Variants in ELF2 observed in about 807,000 individuals in gnomAD.
The protein encoded by ELF2 is E74 like ETS transcription factor 2, also known as ETS-related transcription factor Elf-2.
A neutral mutation model predicts 54.8 loss-of-function variants in ELF2; 11 were observed. The ratio of observed to expected loss-of-function variants is 0.20; its 90% CI spans 0.13 to 0.33. The LOEUF (loss-of-function observed/expected upper bound fraction) is 0.33. Ranked by LOEUF, ELF2 falls within the 10% of genes least tolerant of loss-of-function variation. The pLI is 1.00. For synonymous variants in ELF2, 203 were observed against 245.1 expected (o/e 0.83, Z 1.61); for missense variants, 513 against 703.0 (o/e 0.73, Z 3.06).
intron 1 of ELF2, among the ~76,000 whole-genome samples, chr4:139,172,882 C>CGGGGGGG (rs59019279): frequency 2.0e-5 from 1 of 51,162 alleles, no homozygotes. Context: ...ACACAGATAA[C>CGGGGGGG]GGGGGGGGGG....
chr4:139,063,191 G>C (rs1294892300), intron 7 of ELF2, among the ~76,000 whole-genome samples: 1 of 152,178 alleles, frequency 6.6e-6, no homozygotes, highest in African/African-American at 2.4e-5. Flanking sequence ...CCAGGAAGCA[G>C]AGGTTACAGT....
At chr4:139,115,448 TG>T (rs1735592184) in intron 4 of ELF2, 33 of 973,624 alleles carry the variant, frequency 3.4e-5, no homozygotes, top group Non-Finnish European at 4.0e-5. Flanking sequence ...CCCGGCTGGC[TG>T]GGGTTAGCTC....
At chr4:139,176,645 A>ATC (rs1742970403) in intron 1 of ELF2, among the ~76,000 whole-genome samples, 1 of 151,862 alleles carries the variant, frequency 6.6e-6, no homozygotes, top group Admixed American at 6.5e-5. Flanking sequence ...CGCTCGGCCC[A>ATC]TCCCCCCCGC....
intron 4 of ELF2, chr4:139,101,576 GGA>G (rs1733878967): frequency 6.6e-6 from 1 of 152,154 alleles, no homozygotes; most frequent in South Asian, 2.1e-4. Flanking sequence ...TAATTATTAT[GGA>G]GAAACAGAGG....
At chr4:139,127,320 CT>C (rs1737024463) in intron 3 of ELF2, among the ~76,000 whole-genome samples, 1 of 152,206 alleles carries the variant, frequency 6.6e-6, no homozygotes, top group Non-Finnish European at 1.5e-5. Context: ...TACTGTAGCA[CT>C]GCCAGATACC....
At chr4:139,091,892 CATATTATTTATATATAGAGAATAT>C (rs1347769773) in intron 4 of ELF2, among the ~76,000 whole-genome samples, 1 of 150,308 alleles carries the variant, frequency 6.7e-6, no homozygotes, top group Non-Finnish European at 1.5e-5. Context: ...ATAGAATATA[CATATTATTTATATATAGAGAATAT>C]ATATACACAC....
At chr4:139,063,117 G>A (rs181184491) in intron 7 of ELF2, among the ~76,000 whole-genome samples, 3 of 152,204 alleles carry the variant, frequency 2.0e-5, no homozygotes, top group Admixed American at 6.5e-5. Flanking sequence ...ATTTAGCTGC[G>A]CATGGTGGCG....
At chr4:139,139,377 A>G in intron 2 of ELF2, 36 bp downstream of exon 2, 1 of 1,069,812 alleles carries the variant, frequency 9.3e-7, no homozygotes, top group East Asian at 3.3e-5. Flanking sequence ...ACTATTCCCA[A>G]TATATATAAT....
At chr4:139,086,865 A>G (rs1300943376) in intron 4 of ELF2, among the ~76,000 whole-genome samples, 1 of 152,198 alleles carries the variant, frequency 6.6e-6, no homozygotes, top group Non-Finnish European at 1.5e-5. Context: ...ATAAATTTTT[A>G]ATAGGGGTTC....
chr4:139,095,787 G>C (rs1733200449), intron 4 of ELF2, among the ~76,000 whole-genome samples: 1 of 152,078 alleles, frequency 6.6e-6, no homozygotes, highest in East Asian at 1.9e-4. Flanking sequence ...GCTCATGCCT[G>C]TAATCCCAGC....
At chr4:139,167,129 T>C (rs558616126) in intron 1 of ELF2, among the ~76,000 whole-genome samples, 2 of 152,364 alleles carry the variant, frequency 1.3e-5, no homozygotes, top group African/African-American at 4.8e-5. Flanking sequence ...TGAGTATTCT[T>C]ATTTTTATGA....
upstream of ELF2, among the ~76,000 whole-genome samples, chr4:139,177,586 G>C (rs1008644204): frequency 5.3e-5 from 8 of 152,160 alleles, no homozygotes; most frequent in African/African-American, 1.9e-4. Flanking sequence ...CCTTGCCCAG[G>C]GCTCCCCGAT....
chr4:139,176,214 T>A (rs1037179960), intron 1 of ELF2, among the ~76,000 whole-genome samples: 1 of 152,168 alleles, frequency 6.6e-6, no homozygotes, highest in African/African-American at 2.4e-5. Context: ...AAGAAACAGA[T>A]TCCGATCCGA....
intron 1 of ELF2, among the ~76,000 whole-genome samples, chr4:139,176,053 T>A (rs1357928055): frequency 6.6e-6 from 1 of 152,090 alleles, no homozygotes; most frequent in East Asian, 1.9e-4. Flanking sequence ...GCTCCTGGGG[T>A]AGAGTCAGCA....
chr4:139,175,831 A>C (rs1455683391), intron 1 of ELF2, among the ~76,000 whole-genome samples: 4 of 152,204 alleles, frequency 2.6e-5, no homozygotes, highest in Non-Finnish European at 5.9e-5. Flanking sequence ...CCTCTTCCTC[A>C]TTTAATGAAG....
At chr4:139,073,159 T>C (rs1416377966) in intron 5 of ELF2, among the ~76,000 whole-genome samples, 1 of 152,212 alleles carries the variant, frequency 6.6e-6, no homozygotes, top group African/African-American at 2.4e-5. Context: ...TGAAGGACTA[T>C]GAAGGCTTAT....
chr4:139,164,267 G>GAGGA (rs1020183788), intron 1 of ELF2, among the ~76,000 whole-genome samples: 2 of 150,556 alleles, frequency 1.3e-5, no homozygotes, highest in African/African-American at 4.9e-5. Context: ...GGAAGGGAGG[G>GAGGA]AGGAAGGAAG....
At chr4:139,171,408 T>C (rs1560895718) in intron 1 of ELF2, among the ~76,000 whole-genome samples, 1 of 151,792 alleles carries the variant, frequency 6.6e-6, no homozygotes. Flanking sequence ...ATTTTTGGAA[T>C]GCTAAGCTTG....
intron 4 of ELF2, among the ~76,000 whole-genome samples, chr4:139,123,687 T>C (rs1196428730): frequency 6.6e-6 from 1 of 152,206 alleles, no homozygotes; most frequent in East Asian, 1.9e-4. Context: ...ATCAAAATCA[T>C]AGTTTTCCTT....
Sources: gnomAD v4.1 joint callset for allele counts (sites outside exome capture counted in the v4.1 genomes callset) on GRCh38, gnomAD v4.1.1 for gene constraint, MANE v1.5 for transcripts, NCBI Gene and HGNC (gene_info 2026-07-23, HGNC 2026-07-21) for gene names.